HSD3B2: variants seen among roughly 807,000 people sequenced by gnomAD.
HSD3B2 encodes the protein 3 beta-hydroxysteroid dehydrogenase/Delta 5-->4-isomerase type 2.
A neutral mutation model predicts 9.9 loss-of-function variants in HSD3B2; 8 were observed. The observed-to-expected ratio is 0.81, with a 90% confidence interval of 0.47 to 1.46. The LOEUF is 1.46. HSD3B2 is among the 40% of genes most tolerant of loss of function. The pLI is 0.00. For missense variants in HSD3B2, 410 were observed against 448.3 expected (o/e 0.91, Z 0.77); for synonymous variants, 221 against 184.5 (o/e 1.20, Z -1.60).
At position 119,422,090 on chromosome 1, in the gene HSD3B2, C is replaced by G. The variant is rs1651895122; in HGVS notation, c.589C>G (p.Leu197Val). 6.2e-7 allele frequency: 1 copy of G among 1,613,956 alleles called. No homozygotes were observed. The highest frequency in any genetic ancestry group is 1.3e-5 in the African/African-American group (1 of 74,912). ...TATCTATGGGGAAGGAGGCCCATTC[C>G]TTTCTGCCAGTATAAATGAGGCCCT... ...TYIYGEGGPF[L>V]SASINEALNN... Residue 197 changes from leucine (L) to valine (V), a missense_variant, in exon 4 of 4, where the codon CTT (leucine) becomes GTT (valine). Leu to Val is a conservative substitution (Grantham distance 32). Transcript: ENST00000369416.
chr1:119,419,621 A>C (rs369142952), intron 3 of HSD3B2, 39 bp downstream of exon 3: 108 of 1,591,884 alleles, frequency 6.8e-5, no homozygotes, highest in Non-Finnish European at 8.6e-6. Flanking sequence ...AAGTTGGTTA[A>C]ATGAGGATCA....
rs58154933 is a variant in HSD3B2, at chr1:119,421,632, T to C, written c.308-177T>C. Reference sequence around the variant, plus strand: ...AAATGTCAGTTTCTTTTTATTTTTGTGTTTTTCCTACGGCTGTATCATGAC... The same window carrying C: ...AAATGTCAGTTTCTTTTTATTTTTGCGTTTTTCCTACGGCTGTATCATGAC... On this transcript the variant is annotated intron_variant, in intron 3 of 3. Coordinates refer to ENST00000369416, the MANE Select transcript of HSD3B2 (RefSeq NM_000198.4). Among the ~76,000 whole-genome samples, 37,189 of 151,022 alleles carry C rather than the reference T, an allele frequency of 0.25. 6,969 individuals carry two copies. Among genetic ancestry groups the C allele is most frequent in the African/African-American group, 0.52 (21,389 of 40,930 alleles).
At position 119,416,386 on chromosome 1, in the gene HSD3B2, CTT is replaced by C. The variant is rs587686764; in HGVS notation, c.142+827_142+828del. Among the ~76,000 whole-genome samples, 307 of 152,298 alleles carry C rather than the reference CTT, an allele frequency of 2.0e-3. 2 individuals are homozygous for C. The highest frequency in any genetic ancestry group is 0.017 in the Middle Eastern group (5 of 294). On this transcript the variant is annotated intron_variant, in intron 2 of 3. Coordinates refer to ENST00000369416, the MANE Select transcript of HSD3B2 (RefSeq NM_000198.4). ...GACTGCAGAATTTGCTGTAGTAACT[CTT>C]TGTGCAAATAACCCTGTGAGGAAGG...
At chr1:119,419,627 G>A in intron 3 of HSD3B2, 45 bp downstream of exon 3, 2 of 1,579,520 alleles carry the variant, frequency 1.3e-6, no homozygotes, top group Admixed American at 1.7e-5. Flanking sequence ...GTTAAATGAG[G>A]ATCAGAAAGA....
chr1:119,421,402 TG>T (rs1233469110), intron 3 of HSD3B2, among the ~76,000 whole-genome samples: 1 of 80,560 alleles, frequency 1.2e-5, no homozygotes, highest in Non-Finnish European at 2.1e-5. Flanking sequence ...TATATATATA[TG>T]TATATATATA....
chr1:119,422,138 A>G lies in HSD3B2; in HGVS notation c.637A>G (p.Ser213Gly), dbSNP rs759422374. The part of the protein sequence containing the change: ...EALNNNGILS[S>G]VGKFSTVNPV... ...CCTGAACAACAATGGGATCCTGTCA[A>G]GTGTTGGAAAGTTCTCTACAGTCAA... The change falls in exon 4 of 4, where the codon AGT becomes GGT. Residue 213 changes from serine to glycine, a missense_variant. Transcript: ENST00000369416. 5.0e-6 allele frequency: 8 copies of G among 1,613,954 alleles called. No homozygotes were observed. The highest frequency in any genetic ancestry group is 6.8e-6 in the Non-Finnish European group (8 of 1,179,994).
rs754235844 is a variant in HSD3B2, at chr1:119,419,401, G to A, written c.143-17G>A. 1.2e-6 allele frequency: 2 copies of A among 1,613,430 alleles called. No individual in the cohort carries two copies. The highest frequency in any genetic ancestry group is 2.2e-5 in the South Asian group (2 of 91,046). ...GATCCAGAAATCTTTCCAATGACCT[G>A]ACCTGTGTTCACACAGAGCTCCAGA... On this transcript the variant is annotated splice_polypyrimidine_tract_variant and intron_variant, in intron 2 of 3. Transcript: ENST00000369416.
At chr1:119,418,390 G>A (rs974323371) in intron 2 of HSD3B2, among the ~76,000 whole-genome samples, 1 of 152,060 alleles carries the variant, frequency 6.6e-6, no homozygotes, top group Non-Finnish European at 1.5e-5. Flanking sequence ...AGCTCCAGTA[G>A]GTACCAGGAC....
intron 2 of HSD3B2, among the ~76,000 whole-genome samples, chr1:119,417,845 A>C (rs937034390): frequency 5.3e-5 from 8 of 152,140 alleles, no homozygotes; most frequent in Non-Finnish European, 1.0e-4. Context: ...AGGGTACAAA[A>C]ATGGCAGGTG....
intron 3 of HSD3B2, among the ~76,000 whole-genome samples, chr1:119,420,602 A>G (rs587692930): frequency 1.3e-5 from 2 of 152,262 alleles, no homozygotes; most frequent in East Asian, 1.9e-4. Context: ...TAAAACCATT[A>G]TCACTCCCGG....
chr1:119,416,272 G>A (rs1651707131), intron 2 of HSD3B2, among the ~76,000 whole-genome samples: 2 of 152,146 alleles, frequency 1.3e-5, no homozygotes, highest in South Asian at 4.1e-4. Flanking sequence ...AAGGCAGTAT[G>A]AGGCCAACAT....
At chr1:119,418,320 C>T (rs973635210) in intron 2 of HSD3B2, among the ~76,000 whole-genome samples, 1 of 152,210 alleles carries the variant, frequency 6.6e-6, no homozygotes, top group African/African-American at 2.4e-5. Context: ...CTCCACTCTC[C>T]TCCCAGTTGC....
Position 119,421,999 on chromosome 1 carries a change from G to A in HSD3B2, c.498G>A (p.Leu166=). Residue 166 remains leucine, a synonymous_variant, in exon 4 of 4, where the codon CTG becomes CTA. Coordinates refer to ENST00000369416, the MANE Select transcript of HSD3B2 (RefSeq NM_000198.4). ...YSKKLAEKAV[L]AANGWNLKNG... Reference sequence around the variant, plus strand: ...AAAAGCTTGCTGAGAAGGCTGTGCTGGCGGCTAATGGGTGGAATCTAAAAA... The same window carrying A: ...AAAAGCTTGCTGAGAAGGCTGTGCTAGCGGCTAATGGGTGGAATCTAAAAA... 3 of 1,614,082 alleles carry A rather than the reference G, an allele frequency of 1.9e-6. No homozygotes were observed. The highest frequency in any genetic ancestry group is 2.5e-6 in the Non-Finnish European group (3 of 1,179,996).
chr1:119,422,765 T>A lies in HSD3B2; in HGVS notation c.*145T>A, dbSNP rs1651931177. The A allele has an allele frequency of 4.1e-6, 4 of 965,182 alleles. No homozygotes were observed. Among genetic ancestry groups the A allele is most frequent in the Non-Finnish European group, 6.4e-6 (4 of 623,986 alleles). The allele number at this position is 965,182 out of a possible 1,614,324, so 59.8% of individuals were successfully genotyped here. ...ACACAATGCCCAACTTACTGTCTTC[T>A]TCATGTCATCAAAATCTGCACAGTC... On this transcript the variant is annotated 3_prime_UTR_variant, in exon 4 of 4. Transcript: ENST00000369416.
At position 119,421,859 on chromosome 1, in the gene HSD3B2, A is replaced by G; in HGVS notation, c.358A>G (p.Ile120Val). ...TGTCCAAGCCAGTGTGCCAGTCTTCATCTACACCAGTAGCATAGAGGTAGC... is the reference window on the plus strand; with the variant it reads ...TGTCCAAGCCAGTGTGCCAGTCTTCGTCTACACCAGTAGCATAGAGGTAGC... ...ACVQASVPVF[I>V]YTSSIEVAGP... is the part of the protein sequence containing the mutation. Residue 120 changes from isoleucine (I) to valine (V), a missense_variant, in exon 4 of 4, where the codon ATC becomes GTC. Physicochemically the swap from Ile to Val is conservative, Grantham distance 29 (BLOSUM62 3). Transcript: ENST00000369416. 1 of 1,613,904 alleles carries G rather than the reference A, an allele frequency of 6.2e-7. No individual in the cohort carries two copies. The highest frequency in any genetic ancestry group is 8.5e-7 in the Non-Finnish European group (1 of 1,179,922).
At position 119,415,613 on chromosome 1, in the gene HSD3B2, G is replaced by T. The variant is rs777519835; in HGVS notation, c.142+52G>T. ...TGGCTCCATCTTAAACTCTGCATGG[G>T]TGTGGGGAGGTTGACCTTGTCTAGC... On this transcript the variant is annotated intron_variant, in intron 2 of 3. Coordinates refer to ENST00000369416, the MANE Select transcript of HSD3B2 (RefSeq NM_000198.4). The T allele has an allele frequency of 6.9e-6, 11 of 1,594,426 alleles. No individual in the cohort carries two copies. In the Middle Eastern group the frequency reaches 1.2e-3, roughly 168 times the overall value.
chr1:119,418,995 A>G (rs1651787031), intron 2 of HSD3B2, among the ~76,000 whole-genome samples: 3 of 152,238 alleles, frequency 2.0e-5, no homozygotes, highest in East Asian at 3.9e-4. Context: ...TTTCTTTGAC[A>G]TGGTGCTGGA....
At chr1:119,418,562 T>C (rs1288379682) in intron 2 of HSD3B2, among the ~76,000 whole-genome samples, 1 of 152,030 alleles carries the variant, frequency 6.6e-6, no homozygotes, top group Admixed American at 6.6e-5. Flanking sequence ...CAGTCTGTTT[T>C]ATATCCTCAA....
chr1:119,415,127 G>T, upstream of HSD3B2: 1 of 416,652 alleles, frequency 2.4e-6, no homozygotes, highest in South Asian at 2.1e-5. Flanking sequence ...AGAGCATAAA[G>T]CTCCAGTCCT....
Sources: allele counts gnomAD v4.1 joint callset (sites outside exome capture counted in the v4.1 genomes callset), GRCh38; gene constraint gnomAD v4.1.1; transcripts MANE v1.5; gene names NCBI Gene and HGNC (gene_info 2026-07-23, HGNC 2026-07-21).